Variants in SNRPD3 observed in about 807,000 individuals in gnomAD.
SNRPD3 encodes the protein small nuclear ribonucleoprotein Sm D3.
For synonymous variants in SNRPD3, 66 were observed against 58.4 expected (o/e 1.13, Z -0.59); for missense variants, 73 against 167.5 (o/e 0.44, Z 3.11).
chr22:24,569,571 C>T (rs1179231242), intron 3 of SNRPD3, among the ~76,000 whole-genome samples: 1 of 152,192 alleles, frequency 6.6e-6, no homozygotes, highest in Non-Finnish European at 1.5e-5. Context: ...GGGTGTCCTT[C>T]AGTTCTGACA....
At position 24,568,015 on chromosome 22, in the gene SNRPD3, G is replaced by C. The variant is rs1233883000; in HGVS notation, c.158G>C (p.Gly53Ala). 1 of 1,610,836 alleles carries C rather than the reference G, an allele frequency of 6.2e-7. No homozygotes were observed. The highest frequency in any genetic ancestry group is 8.5e-7 in the Non-Finnish European group (1 of 1,178,852). The change falls in exon 3 of 4, where the codon GGC becomes GCC. Residue 53 changes from glycine (G) to alanine (A), a missense_variant. By Grantham distance (60) the Gly-to-Ala change is moderately conservative. Transcript: ENST00000215829. ...MSNITVTYRD[G>A]RVAQLEQVYI... ...AACATCACAGTCACATACAGAGATG[G>C]CCGAGTGGCACAGCTGGAGCAGGTA...
At chr22:24,562,350 G>A (rs2147122605) in intron 2 of SNRPD3, among the ~76,000 whole-genome samples, 1 of 152,226 alleles carries the variant, frequency 6.6e-6, no homozygotes, top group South Asian at 2.1e-4. Context: ...GACCAGCCTG[G>A]CTAACACGGT....
At chr22:24,569,867 G>A (rs551330207) in intron 3 of SNRPD3, among the ~76,000 whole-genome samples, 5 of 152,322 alleles carry the variant, frequency 3.3e-5, no homozygotes, top group South Asian at 4.2e-4. Flanking sequence ...TGGAAGGGTC[G>A]CAAGCACAAG....
chr22:24,571,030 T>G (rs1289931923), intron 3 of SNRPD3, among the ~76,000 whole-genome samples: 1 of 152,012 alleles, frequency 6.6e-6, no homozygotes, highest in Non-Finnish European at 1.5e-5. Context: ...TGTTGGCCAG[T>G]CTGGTCTCAA....
chr22:24,557,269 A>T (rs1421854850), intron 1 of SNRPD3, among the ~76,000 whole-genome samples: 2 of 152,226 alleles, frequency 1.3e-5, no homozygotes, highest in East Asian at 3.8e-4. Context: ...ATCATCTACA[A>T]TTAAGGGTTA....
chr22:24,561,064 C>CTTTTTTTTTTTTTCTTTTTTTTTTTT (rs2045137427), intron 2 of SNRPD3, among the ~76,000 whole-genome samples: 1 of 61,694 alleles, frequency 1.6e-5, no homozygotes, highest in African/African-American at 7.7e-5. Context: ...TTTTTCTTTT[C>CTTTTTTTTTTTTTCTTTTTTTTTTTT]TTTTTTTTTT....
At chr22:24,557,605 A>ATGC (rs2045090418) in intron 1 of SNRPD3, 52 bp from the exon 2 acceptor site, 2 of 1,389,766 alleles carry the variant, frequency 1.4e-6, no homozygotes, top group Non-Finnish European at 2.0e-6. Context: ...TGTGTGCCAC[A>ATGC]TGCCTTTTCA....
Position 24,574,129 on chromosome 22 carries a change from CTTACT to C in SNRPD3, c.*2155_*2159del, listed in dbSNP as rs1474146387. ...CATCATACTTTTACAGTAAACAGTA[CTTACT>C]TTGAATAATAACACATTACACTTAA... On this transcript the variant is annotated 3_prime_UTR_variant, in exon 4 of 4. Transcript: ENST00000215829. 6.6e-6 allele frequency among the ~76,000 whole-genome samples: 1 copy of C among 152,168 alleles called. No homozygotes were observed. Among genetic ancestry groups the C allele is most frequent in the East Asian group, 1.9e-4 (1 of 5,206 alleles).
chr22:24,562,230 C>T (rs2045150182), intron 2 of SNRPD3, among the ~76,000 whole-genome samples: 1 of 152,122 alleles, frequency 6.6e-6, no homozygotes, highest in South Asian at 2.1e-4. Flanking sequence ...TTCTGAAAAG[C>T]AAAAAAGTTT....
chr22:24,555,991 G>A (rs1370766358), upstream of SNRPD3: 1 of 696,356 alleles, frequency 1.4e-6, no homozygotes, highest in African/African-American at 1.8e-5. Context: ...CTGGGTGTTA[G>A]GCCCGCCATT....
At position 24,561,064 on chromosome 22, in the gene SNRPD3, C is replaced by CTTTTTTTT. The variant is rs1164120857; in HGVS notation, c.126+3282_126+3289dup. ...TTTTTTTTCTTTTCCTTTTTCTTTT[C>CTTTTTTTT]TTTTTTTTTTTTTTTTTTTTTTTTT... On this transcript the variant is annotated intron_variant, in intron 2 of 3. Coordinates refer to ENST00000215829, the MANE Select transcript of SNRPD3 (RefSeq NM_004175.5). Among the ~76,000 whole-genome samples the CTTTTTTTT allele has an allele frequency of 2.8e-3, 170 of 61,660 alleles. 1 individual carries two copies. The highest frequency in any genetic ancestry group is 3.7e-3 in the Non-Finnish European group (132 of 35,858). The allele number at this position is 61,660 out of a possible 152,430, so 40.5% of individuals were successfully genotyped here.
Position 24,572,131 on chromosome 22 carries a change from GTTCTGT to G in SNRPD3, c.*157_*162del. ...GCTAAATAAATCTGGGGGGTTTTTT[GTTCTGT>G]TTTGTTTTGTTTTCTTTGAGAAAAT... On this transcript the variant is annotated 3_prime_UTR_variant, in exon 4 of 4. Transcript: ENST00000215829. 1 of 1,417,434 alleles carries G rather than the reference GTTCTGT, an allele frequency of 7.1e-7. No homozygotes were observed. The highest frequency in any genetic ancestry group is 1.4e-5 in the African/African-American group (1 of 69,924). The allele number at this position is 1,417,434 out of a possible 1,614,324, so 87.8% of individuals were successfully genotyped here.
At chr22:24,568,440 C>A (rs2045216347) in intron 3 of SNRPD3, among the ~76,000 whole-genome samples, 1 of 152,172 alleles carries the variant, frequency 6.6e-6, no homozygotes, top group South Asian at 2.1e-4. Flanking sequence ...CTCCCAGGTT[C>A]AAGCAATTCT....
chr22:24,572,161 A>G lies in SNRPD3; in HGVS notation c.*184A>G. 1 of 1,226,606 alleles carries G rather than the reference A, an allele frequency of 8.2e-7. No individual in the cohort carries two copies. Among genetic ancestry groups the G allele is most frequent in the East Asian group, 2.5e-5 (1 of 39,370 alleles). The allele number at this position is 1,226,606 out of a possible 1,614,324, so 76.0% of individuals were successfully genotyped here. A position where few individuals can be genotyped will look rare whatever the true frequency, so the allele number is the denominator to read the frequency against. The stretch of plus-strand genomic sequence containing the variant: ...GTTTTGTTTTGTTTTCTTTGAGAAA[A>G]TAAGGACTTTGTGTTCATTTGAAGT... On this transcript the variant is annotated 3_prime_UTR_variant, in exon 4 of 4. Transcript: ENST00000215829.
intron 2 of SNRPD3, among the ~76,000 whole-genome samples, chr22:24,560,715 CTTTTTT>C (rs59348518): frequency 0.15 from 14,332 of 98,690 alleles, 3,947 homozygotes; most frequent in African/African-American, 0.19. Context: ...TGCACCTGGC[CTTTTTT>C]TTTTTTTTTT....
chr22:24,556,187 T>C (rs2045059461), intron 1 of SNRPD3, 116 bp downstream of exon 1: 1 of 386,402 alleles, frequency 2.6e-6, no homozygotes. Flanking sequence ...GCGGGAAGCT[T>C]GGGCCACCCA....
chr22:24,564,214 T>G (rs1437521808), intron 2 of SNRPD3, among the ~76,000 whole-genome samples: 1 of 152,178 alleles, frequency 6.6e-6, no homozygotes, highest in African/African-American at 2.4e-5. Context: ...TCTGGTGTAT[T>G]GACAGGCCTG....
chr22:24,562,002 CA>C (rs1318033914), intron 2 of SNRPD3, among the ~76,000 whole-genome samples: 1 of 150,556 alleles, frequency 6.6e-6, no homozygotes, highest in Non-Finnish European at 1.5e-5. Context: ...CCTAGTCTCA[CA>C]CACACACAAA....
intron 3 of SNRPD3, among the ~76,000 whole-genome samples, chr22:24,571,105 C>T (rs1041265790): frequency 2.6e-5 from 4 of 152,302 alleles, no homozygotes; most frequent in Admixed American, 2.0e-4. Context: ...AGACATGAGC[C>T]ACTGCACCCA....
Sources: allele counts gnomAD v4.1 joint callset (sites outside exome capture counted in the v4.1 genomes callset), GRCh38; gene constraint gnomAD v4.1.1; transcripts MANE v1.5; gene names NCBI Gene and HGNC (gene_info 2026-07-23, HGNC 2026-07-21).